The following GALNTL6 variants were observed in gnomAD, a reference collection of about 807,000 sequenced individuals.
The protein encoded by GALNTL6 is polypeptide N-acetylgalactosaminyltransferase-like 6.
GALNTL6 carries 46 observed loss-of-function variants against 73.7 expected under a neutral mutation model. The observed-to-expected ratio is 0.62, with a 90% confidence interval of 0.49 to 0.80. The LOEUF is 0.80. GALNTL6 is among the 30% of genes least tolerant of loss of function. GALNTL6 has a pLI of 0.00. For synonymous variants in GALNTL6, 259 were observed against 263.7 expected (o/e 0.98, Z 0.17); for missense variants, 604 against 755.0 (o/e 0.80, Z 2.34).
At chr4:172,953,906 G>A (rs1217879753) in intron 10 of GALNTL6, among the ~76,000 whole-genome samples, 1 of 152,212 alleles carries the variant, frequency 6.6e-6, no homozygotes. Context: ...CACAGCAGTG[G>A]AAATTTGAAA....
intron 2 of GALNTL6, among the ~76,000 whole-genome samples, chr4:171,945,295 C>T (rs921828921): frequency 2.0e-5 from 3 of 152,054 alleles, no homozygotes; most frequent in Admixed American, 2.0e-4. Context: ...TGGGTGTGCA[C>T]TCAAGCGTTC....
intron 2 of GALNTL6, among the ~76,000 whole-genome samples, chr4:171,986,671 T>C (rs1740100553): frequency 6.6e-6 from 1 of 151,924 alleles, no homozygotes; most frequent in South Asian, 2.1e-4. Context: ...TCTTGTGGGG[T>C]TGTTAGAAGA....
chr4:172,952,234 GC>G lies in GALNTL6; in HGVS notation c.1352del (p.Pro451ArgfsTer28). 6.2e-7 allele frequency: 1 copy of G among 1,613,962 alleles called. No homozygotes were observed. The highest frequency in any genetic ancestry group is 8.5e-7 in the Non-Finnish European group (1 of 1,179,952). ...DVPKYYPPVEPPPAAWGEIRN... is the reference protein window; with the variant it reads ...DVPKYYPPVEXPPAAWGEIRN... ...TGCCTAAATACTACCCTCCAGTGGA[GC>G]CCCCGCCTGCTGCCTGGGGGGAGGT... On this transcript the variant is annotated frameshift_variant, in exon 10 of 13. Transcript: ENST00000506823. LOFTEE classifies it high-confidence loss of function.
At chr4:173,008,049 C>G (rs986317647) in intron 10 of GALNTL6, among the ~76,000 whole-genome samples, 3 of 152,204 alleles carry the variant, frequency 2.0e-5, no homozygotes, top group African/African-American at 7.2e-5. Context: ...CACTGTCTTT[C>G]CTATTTTGCT....
chr4:171,884,058 T>C (rs867954692), intron 2 of GALNTL6, among the ~76,000 whole-genome samples: 1 of 152,216 alleles, frequency 6.6e-6, no homozygotes, highest in South Asian at 2.1e-4. Flanking sequence ...TATAGTAACA[T>C]ATTTTACAAA....
intron 3 of GALNTL6, among the ~76,000 whole-genome samples, chr4:172,283,425 G>A (rs1739133245): frequency 6.6e-6 from 1 of 152,048 alleles, no homozygotes; most frequent in African/African-American, 2.4e-5. Context: ...TGAGAAAATA[G>A]CAGTTAATTA....
chr4:172,731,560 C>A (rs539038193), intron 5 of GALNTL6, among the ~76,000 whole-genome samples: 3 of 151,914 alleles, frequency 2.0e-5, no homozygotes, highest in South Asian at 2.1e-4. Flanking sequence ...CTGCTCTGAT[C>A]TTTTATTATT....
intron 8 of GALNTL6, among the ~76,000 whole-genome samples, chr4:172,893,350 G>A (rs1038093955): frequency 6.6e-5 from 10 of 151,898 alleles, no homozygotes; most frequent in Admixed American, 3.3e-4. Context: ...AGTGGCGGGG[G>A]GGGGGTCTTC....
chr4:172,648,725 T>C (rs1740350180), intron 5 of GALNTL6, among the ~76,000 whole-genome samples: 1 of 152,216 alleles, frequency 6.6e-6, no homozygotes, highest in Non-Finnish European at 1.5e-5. Flanking sequence ...ACACAAAATC[T>C]GTCTTCCTCC....
chr4:172,371,609 C>T (rs762241373), intron 5 of GALNTL6, among the ~76,000 whole-genome samples: 2 of 151,944 alleles, frequency 1.3e-5, no homozygotes, highest in Non-Finnish European at 2.9e-5. Flanking sequence ...CTCTTTCCTT[C>T]TTTGACTTTC....
intron 2 of GALNTL6, among the ~76,000 whole-genome samples, chr4:172,042,648 C>T (rs1250481671): frequency 2.0e-5 from 3 of 151,648 alleles, no homozygotes; most frequent in African/African-American, 4.8e-5. Flanking sequence ...GAAAAATCTG[C>T]TTTTTTTAAA....
At chr4:172,712,449 C>G (rs192733192) in intron 5 of GALNTL6, among the ~76,000 whole-genome samples, 1 of 152,100 alleles carries the variant, frequency 6.6e-6, no homozygotes, top group Non-Finnish European at 1.5e-5. Flanking sequence ...CCACTCCCCC[C>G]ACCTCACAAC....
chr4:172,793,617 G>A (rs1323710538), intron 5 of GALNTL6, among the ~76,000 whole-genome samples: 2 of 152,072 alleles, frequency 1.3e-5, no homozygotes, highest in Non-Finnish European at 2.9e-5. Context: ...GATAAAGAGG[G>A]ACAAACAAAA....
intron 10 of GALNTL6, among the ~76,000 whole-genome samples, chr4:172,993,240 G>C (rs1218808749): frequency 1.3e-5 from 2 of 152,218 alleles, no homozygotes; most frequent in African/African-American, 4.8e-5. Context: ...AGAGACACCA[G>C]GGATGTGTGC....
intron 7 of GALNTL6, among the ~76,000 whole-genome samples, chr4:172,876,463 A>C (rs539355818): frequency 2.8e-4 from 43 of 152,136 alleles, no homozygotes; most frequent in Non-Finnish European, 5.4e-4. Flanking sequence ...TTTATTTTTA[A>C]GGAGCAGCTT....
chr4:172,956,758 A>G (rs1388299472), intron 10 of GALNTL6, among the ~76,000 whole-genome samples: 1 of 152,126 alleles, frequency 6.6e-6, no homozygotes, highest in Admixed American at 6.5e-5. Context: ...GAAAGAGGTA[A>G]AAGTATTGTC....
intron 2 of GALNTL6, among the ~76,000 whole-genome samples, chr4:171,943,688 C>A (rs1157324803): frequency 1.3e-5 from 2 of 152,152 alleles, no homozygotes; most frequent in Non-Finnish European, 2.9e-5. Flanking sequence ...TGCTCTCAAC[C>A]ATTTATGTTC....
At chr4:173,016,336 C>T (rs1334656294) in intron 11 of GALNTL6, among the ~76,000 whole-genome samples, 1 of 152,208 alleles carries the variant, frequency 6.6e-6, no homozygotes, top group African/African-American at 2.4e-5. Context: ...CCACTGACAG[C>T]TTGCACCATG....
intron 5 of GALNTL6, among the ~76,000 whole-genome samples, chr4:172,414,757 A>C (rs1744564720): frequency 6.6e-6 from 1 of 152,224 alleles, no homozygotes; most frequent in African/African-American, 2.4e-5. Context: ...CAAAGCACTC[A>C]GATTTAAGTA....
Sources: allele counts gnomAD v4.1 joint callset (sites outside exome capture counted in the v4.1 genomes callset), GRCh38; gene constraint gnomAD v4.1.1; transcripts MANE v1.5; gene names NCBI Gene and HGNC (gene_info 2026-07-23, HGNC 2026-07-21).